Variants in PID1 observed in about 807,000 individuals in gnomAD.
PID1 encodes the protein PTB-containing, cubilin and LRP1-interacting protein.
A neutral mutation model predicts 19.1 loss-of-function variants in PID1; 10 were observed. The ratio of observed to expected loss-of-function variants is 0.52; its 90% confidence interval spans 0.32 to 0.89. PID1 has a LOEUF of 0.89. Ranked by LOEUF, PID1 falls within the 40% of genes least tolerant of loss-of-function variation. The pLI is 0.03. For synonymous variants in PID1, 130 were observed against 116.0 expected (o/e 1.12, Z -0.78); for missense variants, 248 against 285.3 (o/e 0.87, Z 0.94).
intron 2 of PID1, among the ~76,000 whole-genome samples, chr2:229,059,362 C>T (rs1184079427): frequency 5.9e-5 from 9 of 152,250 alleles, no homozygotes; most frequent in Non-Finnish European, 1.5e-5. Context: ...TATATCTTAG[C>T]TCTCACTCAT....
chr2:229,107,264 G>A (rs1025195361), intron 2 of PID1, among the ~76,000 whole-genome samples: 3 of 152,102 alleles, frequency 2.0e-5, no homozygotes, highest in Non-Finnish European at 2.9e-5. Flanking sequence ...GTTGTTTTAA[G>A]CCACCAAGTC....
chr2:229,262,616 C>T, intron 1 of PID1: 3 of 1,525,272 alleles, frequency 2.0e-6, no homozygotes, highest in South Asian at 2.5e-5. Flanking sequence ...GTAGTAGCTA[C>T]CTAGGGCTGT....
At chr2:229,129,058 C>G (rs183717428) in intron 2 of PID1, among the ~76,000 whole-genome samples, 1 of 151,980 alleles carries the variant, frequency 6.6e-6, no homozygotes, top group Non-Finnish European at 1.5e-5. Flanking sequence ...AAATAAATAA[C>G]GAGATAAATA....
At chr2:229,062,670 C>T (rs1694236368) in intron 2 of PID1, among the ~76,000 whole-genome samples, 1 of 151,822 alleles carries the variant, frequency 6.6e-6, no homozygotes, top group South Asian at 2.1e-4. Context: ...TGAAAGTATT[C>T]CTTCTTCAAC....
At chr2:229,071,148 T>A (rs1278989710) in intron 2 of PID1, among the ~76,000 whole-genome samples, 1 of 152,188 alleles carries the variant, frequency 6.6e-6, no homozygotes, top group Non-Finnish European at 1.5e-5. Context: ...ACTATAATTT[T>A]TAGAAAGAAA....
At chr2:229,026,402 G>C (rs1693424395) in intron 2 of PID1, among the ~76,000 whole-genome samples, 1 of 152,200 alleles carries the variant, frequency 6.6e-6, no homozygotes, top group Admixed American at 6.5e-5. Flanking sequence ...TTAAAACGAA[G>C]AGTATGATCT....
chr2:229,090,829 G>T (rs1413836405), intron 2 of PID1, among the ~76,000 whole-genome samples: 1 of 152,174 alleles, frequency 6.6e-6, no homozygotes, highest in Non-Finnish European at 1.5e-5. Context: ...TGTACTATGT[G>T]CCAGGCACTG....
intron 1 of PID1, among the ~76,000 whole-genome samples, chr2:229,186,361 T>C (rs1185982081): frequency 4.6e-5 from 7 of 152,200 alleles, no homozygotes; most frequent in African/African-American, 1.4e-4. Flanking sequence ...AGAGCTCCAT[T>C]AGGTGACACC....
At chr2:229,200,435 C>G (rs1691474590) in intron 1 of PID1, among the ~76,000 whole-genome samples, 1 of 151,978 alleles carries the variant, frequency 6.6e-6, no homozygotes, top group African/African-American at 2.4e-5. Flanking sequence ...CATTTAGCCA[C>G]TATAAAGGAA....
intron 2 of PID1, among the ~76,000 whole-genome samples, chr2:229,070,326 C>T (rs1364562244): frequency 1.3e-5 from 2 of 152,178 alleles, no homozygotes; most frequent in African/African-American, 4.8e-5. Context: ...CTTAATCTTT[C>T]TCTGCCTTAG....
At chr2:229,030,406 T>C (rs562830325) in intron 2 of PID1, among the ~76,000 whole-genome samples, 5 of 152,252 alleles carry the variant, frequency 3.3e-5, no homozygotes, top group East Asian at 3.9e-4. Context: ...ATGGTTAAGA[T>C]GGTAAGTTTT....
intron 1 of PID1, among the ~76,000 whole-genome samples, chr2:229,247,157 T>C (rs967434690): frequency 6.6e-6 from 1 of 152,180 alleles, no homozygotes; most frequent in Non-Finnish European, 1.5e-5. Context: ...GCACGGTGTA[T>C]CATTGAGGAT....
chr2:229,194,997 T>G (rs1691343596), intron 1 of PID1, among the ~76,000 whole-genome samples: 1 of 151,924 alleles, frequency 6.6e-6, no homozygotes, highest in African/African-American at 2.4e-5. Flanking sequence ...TTTCTTTGTT[T>G]TTAGTTTATA....
intron 2 of PID1, among the ~76,000 whole-genome samples, chr2:229,051,742 G>C (rs1385429885): frequency 2.6e-5 from 4 of 152,184 alleles, no homozygotes; most frequent in African/African-American, 7.2e-5. Context: ...TGCATAAAAA[G>C]TCAGCATCAC....
At position 229,184,345 on chromosome 2, in the gene PID1, CAT is replaced by C. The variant is rs373286075; in HGVS notation, c.31-28383_31-28382del. Among the ~76,000 whole-genome samples, 2 of 27,392 alleles carry C rather than the reference CAT, an allele frequency of 7.3e-5. 1 individual carries two copies. The highest frequency in any genetic ancestry group is 1.4e-4 in the Non-Finnish European group (2 of 14,546). 18.0% of individuals were successfully genotyped at this position (27,392 alleles called of 152,430 possible). ...GTATATATATCCCATATATATATCC[CAT>C]ATATATATCACACATATATATCCCA... On this transcript the variant is annotated intron_variant, in intron 1 of 2. Coordinates refer to ENST00000392055, the MANE Select transcript of PID1 (RefSeq NM_001100818.2).
intron 2 of PID1, among the ~76,000 whole-genome samples, chr2:229,051,572 A>C (rs10048696): frequency 0.22 from 33,091 of 152,040 alleles, 6,338 homozygotes; most frequent in African/African-American, 0.51. Flanking sequence ...TCCAGAGCCC[A>C]AGCGATCTGC....
Position 229,118,653 on chromosome 2 carries a change from G to A in PID1, c.177+37165C>T, listed in dbSNP as rs540359015. Among the ~76,000 whole-genome samples, 12 of 152,236 alleles carry A rather than the reference G, an allele frequency of 7.9e-5. No individual in the cohort carries two copies. In the East Asian group the frequency reaches 1.5e-3, roughly 20 times the overall value. The stretch of plus-strand genomic sequence containing the variant: ...TCCATCCCACACAAATGAGAAAAGA[G>A]TCAAAAGCCACAGACATGCTTGCTG... On this transcript the variant is annotated intron_variant, in intron 2 of 2. Coordinates refer to ENST00000392055, the MANE Select transcript of PID1 (RefSeq NM_001100818.2).
chr2:229,192,176 C>A (rs755532978), intron 1 of PID1, among the ~76,000 whole-genome samples: 1 of 152,206 alleles, frequency 6.6e-6, no homozygotes, highest in Non-Finnish European at 1.5e-5. Flanking sequence ...AAGACTAGCT[C>A]TTTCAATACA....
At chr2:229,095,840 A>T (rs181847259) in intron 2 of PID1, among the ~76,000 whole-genome samples, 1 of 152,228 alleles carries the variant, frequency 6.6e-6, no homozygotes, top group East Asian at 1.9e-4. Flanking sequence ...GTTAGTGTCC[A>T]CTCTTAAATG....
Sources: allele counts gnomAD v4.1 joint callset (sites outside exome capture counted in the v4.1 genomes callset), GRCh38; gene constraint gnomAD v4.1.1; transcripts MANE v1.5; gene names NCBI Gene and HGNC (gene_info 2026-07-23, HGNC 2026-07-21).